The following ATRNL1 variants were observed in gnomAD, a reference collection of about 807,000 sequenced individuals.
The protein encoded by ATRNL1 is attractin-like protein 1.
In ATRNL1, 95 loss-of-function variants were observed where a neutral mutation model predicts 182.7. The observed-to-expected ratio is 0.52, with a 90% CI of 0.44 to 0.62. ATRNL1 has a LOEUF of 0.62. Ranked by LOEUF, ATRNL1 falls within the 20% of genes least tolerant of loss-of-function variation. The pLI is 0.00. For missense variants in ATRNL1, 1,471 were observed against 1,679.5 expected (o/e 0.88, Z 2.17); for synonymous variants, 576 against 568.3 (o/e 1.01, Z -0.19).
chr10:115,919,354 C>T (rs1436770541), intron 28 of ATRNL1, among the ~76,000 whole-genome samples: 18 of 152,054 alleles, frequency 1.2e-4, no homozygotes, highest in East Asian at 5.8e-4. Flanking sequence ...TCACTCAGCC[C>T]GGAGGAAGTG....
At chr10:115,814,086 G>A (rs1227558230) in intron 27 of ATRNL1, among the ~76,000 whole-genome samples, 6 of 152,066 alleles carry the variant, frequency 3.9e-5, no homozygotes, top group Non-Finnish European at 7.4e-5. Flanking sequence ...TTTAAAAAAT[G>A]AGTAAAGTAG....
chr10:115,761,901 A>T (rs1948741585), intron 27 of ATRNL1, among the ~76,000 whole-genome samples: 1 of 152,196 alleles, frequency 6.6e-6, no homozygotes, highest in Admixed American at 6.5e-5. Context: ...GGGGCTCAAC[A>T]ATAACCATTA....
intron 15 of ATRNL1, among the ~76,000 whole-genome samples, chr10:115,297,125 A>G (rs1238271901): frequency 4.9e-5 from 1 of 20,326 alleles, no homozygotes; most frequent in African/African-American, 1.4e-4. Context: ...GAAATGCCTA[A>G]GTCTTTTCTC....
At chr10:115,178,484 GTTTTATT>G (rs1554887238) in intron 8 of ATRNL1, among the ~76,000 whole-genome samples, 1 of 152,076 alleles carries the variant, frequency 6.6e-6, no homozygotes, top group African/African-American at 2.4e-5. Context: ...TCTGGAAGTA[GTTTTATT>G]TTCCTCTAAG....
chr10:115,767,667 A>G (rs1229235721), intron 27 of ATRNL1, among the ~76,000 whole-genome samples: 1 of 151,920 alleles, frequency 6.6e-6, no homozygotes, highest in Non-Finnish European at 1.5e-5. Flanking sequence ...CTGTTCCTTT[A>G]CCTATCAACC....
At chr10:115,482,376 G>A (rs1396294646) in intron 24 of ATRNL1, among the ~76,000 whole-genome samples, 1 of 150,782 alleles carries the variant, frequency 6.6e-6, no homozygotes, top group Non-Finnish European at 1.5e-5. Flanking sequence ...TATTCAAATG[G>A]CAAAGTAAAC....
chr10:115,549,404 A>G, intron 25 of ATRNL1, 54 bp from the exon 26 acceptor site: 3 of 1,357,170 alleles, frequency 2.2e-6, no homozygotes, highest in Non-Finnish European at 3.1e-6. Context: ...CTGTTTTTTC[A>G]TTACATAGTT....
intron 26 of ATRNL1, among the ~76,000 whole-genome samples, chr10:115,615,773 T>C (rs1172785711): frequency 6.6e-6 from 1 of 152,182 alleles, no homozygotes; most frequent in Non-Finnish European, 1.5e-5. Context: ...TTTGCCATGA[T>C]TGTAGCCAAG....
intron 21 of ATRNL1, among the ~76,000 whole-genome samples, chr10:115,452,622 A>G (rs79936231): frequency 0.043 from 6,515 of 152,234 alleles, 458 homozygotes; most frequent in African/African-American, 0.15. Context: ...TTATACATCT[A>G]TGAAACCATC....
intron 21 of ATRNL1, among the ~76,000 whole-genome samples, chr10:115,440,629 A>G (rs1458897477): frequency 2.0e-5 from 3 of 151,178 alleles, no homozygotes; most frequent in Non-Finnish European, 4.4e-5. Flanking sequence ...GTTTTATGCC[A>G]TTATAGTTAT....
intron 26 of ATRNL1, among the ~76,000 whole-genome samples, chr10:115,684,023 G>C (rs1555045563): frequency 6.6e-6 from 1 of 151,514 alleles, no homozygotes; most frequent in Non-Finnish European, 1.5e-5. Context: ...TGTATCATAA[G>C]CTCTTCTAGG....
chr10:115,332,540 A>G (rs937768534), intron 18 of ATRNL1, among the ~76,000 whole-genome samples: 7 of 152,160 alleles, frequency 4.6e-5, no homozygotes, highest in African/African-American at 9.7e-5. Context: ...TAAATTTTCT[A>G]ATTGTTTCAT....
chr10:115,641,257 A>G (rs1565239709), intron 26 of ATRNL1, among the ~76,000 whole-genome samples: 1 of 152,212 alleles, frequency 6.6e-6, no homozygotes, highest in Non-Finnish European at 1.5e-5. Context: ...CTATGGAATA[A>G]TTATAGCTTC....
intron 8 of ATRNL1, among the ~76,000 whole-genome samples, chr10:115,195,024 T>C (rs1428466172): frequency 6.6e-6 from 1 of 152,038 alleles, no homozygotes; most frequent in African/African-American, 2.4e-5. Flanking sequence ...CTTTGGACTT[T>C]TTATTGTCTA....
intron 10 of ATRNL1, among the ~76,000 whole-genome samples, chr10:115,251,388 T>G (rs1226678256): frequency 1.3e-5 from 2 of 152,204 alleles, no homozygotes; most frequent in African/African-American, 4.8e-5. Flanking sequence ...TTAAGCCTGT[T>G]TATTCCAATT....
intron 20 of ATRNL1, among the ~76,000 whole-genome samples, chr10:115,395,135 C>T (rs1422816528): frequency 1.3e-5 from 2 of 151,802 alleles, no homozygotes; most frequent in Non-Finnish European, 1.5e-5. Context: ...GATTTCTGTT[C>T]CTATGTTAAT....
At chr10:115,252,630 C>G (rs1270613464) in intron 10 of ATRNL1, among the ~76,000 whole-genome samples, 3 of 152,196 alleles carry the variant, frequency 2.0e-5, no homozygotes, top group African/African-American at 7.2e-5. Flanking sequence ...GCATCAACTT[C>G]TGATATTCCC....
intron 8 of ATRNL1, among the ~76,000 whole-genome samples, chr10:115,192,229 GT>G (rs1848196905): frequency 6.6e-6 from 1 of 152,032 alleles, no homozygotes; most frequent in Non-Finnish European, 1.5e-5. Flanking sequence ...ATAGTTTCAT[GT>G]GTTAGATGTA....
Position 115,094,023 on chromosome 10 carries a change from G to A in ATRNL1, c.273G>A (p.Gln91=), listed in dbSNP as rs939825191. Residue 91 remains glutamine (Q), a synonymous_variant, in exon 1 of 29, where the codon CAG becomes CAA. Coordinates refer to ENST00000355044, the MANE Select transcript of ATRNL1 (RefSeq NM_207303.4). ...CDPGWVGDQC[Q]HCQGRFKLTE... is the part of the protein sequence containing the mutation. Reference sequence around the variant, plus strand: ...CGGGCTGGGTGGGGGACCAGTGCCAGCACTGCCAGGGCAGGTTCAAGTAAG... The same window carrying A: ...CGGGCTGGGTGGGGGACCAGTGCCAACACTGCCAGGGCAGGTTCAAGTAAG... 5 of 1,555,196 alleles carry A rather than the reference G, an allele frequency of 3.2e-6. No homozygotes were observed. The highest frequency in any genetic ancestry group is 4.3e-6 in the Non-Finnish European group (5 of 1,150,994).
Sources: allele counts gnomAD v4.1 joint callset (sites outside exome capture counted in the v4.1 genomes callset), GRCh38; gene constraint gnomAD v4.1.1; transcripts MANE v1.5; gene names NCBI Gene and HGNC (gene_info 2026-07-23, HGNC 2026-07-21).